The following ACSS3 variants were observed in gnomAD, a reference collection of about 807,000 sequenced individuals.
ACSS3 encodes acyl-CoA synthetase short chain family member 3, also known as acyl-CoA synthetase short-chain family member 3, mitochondrial.
ACSS3 carries 64 observed loss-of-function variants against 84.2 expected under a neutral mutation model. The ratio of observed to expected loss-of-function variants is 0.76; its 90% CI spans 0.62 to 0.94. The LOEUF (loss-of-function observed/expected upper bound fraction) is 0.94, where lower values mean the gene tolerates loss of function less well. Among genes scored for constraint, ACSS3 ranks in the 40% least tolerant of loss-of-function variants. ACSS3 has a pLI of 0.00. For synonymous variants in ACSS3, 317 were observed against 310.1 expected, an observed-to-expected ratio of 1.02 and a Z score of -0.23; for missense variants, 815 against 867.6, an observed-to-expected ratio of 0.94 and a Z score of 0.76.
intron 1 of ACSS3, among the ~76,000 whole-genome samples, chr12:81,101,966 T>C (rs1258600440): frequency 6.6e-6 from 1 of 152,084 alleles, no homozygotes; most frequent in Non-Finnish European, 1.5e-5. Context: ...ATTGCAAATA[T>C]GTCTTTCCCT....
At chr12:81,233,059 ATTAC>A (rs2033516847) in intron 12 of ACSS3, among the ~76,000 whole-genome samples, 1 of 151,728 alleles carries the variant, frequency 6.6e-6, no homozygotes, top group Admixed American at 6.6e-5. Flanking sequence ...GTATTGAGCT[ATTAC>A]TTCTCCATTA....
intron 9 of ACSS3, among the ~76,000 whole-genome samples, chr12:81,213,217 T>G (rs2032663539): frequency 6.6e-6 from 1 of 151,910 alleles, no homozygotes; most frequent in Non-Finnish European, 1.5e-5. Flanking sequence ...GCTTTGGGAG[T>G]TCATAGGATT....
intron 2 of ACSS3, among the ~76,000 whole-genome samples, chr12:81,128,354 C>A (rs142909643): frequency 8.9e-4 from 135 of 152,192 alleles, no homozygotes; most frequent in African/African-American, 3.2e-3. Context: ...CAAAATGATT[C>A]ATCTAATTTC....
Position 81,172,259 on chromosome 12 carries a change from CA to C in ACSS3, c.1099-2511del, listed in dbSNP as rs775755412. ...CCAGCCTGAGAGTGAGGCTCTGTCTCAAAAAAAAAAAAAAAAAAGGCCCTGG... is the reference window on the plus strand; with the variant it reads ...CCAGCCTGAGAGTGAGGCTCTGTCTCAAAAAAAAAAAAAAAAAGGCCCTGG... On this transcript the variant is annotated intron_variant, in intron 7 of 15. Coordinates refer to ENST00000548058, the MANE Select transcript of ACSS3 (RefSeq NM_024560.4). 2.0e-3 allele frequency among the ~76,000 whole-genome samples: 112 copies of C among 56,974 alleles called. No homozygotes were observed. The East Asian group carries it at 0.023, about 12-fold the overall frequency. 37.4% of individuals were successfully genotyped at this position (56,974 alleles called of 152,430 possible).
intron 8 of ACSS3, among the ~76,000 whole-genome samples, chr12:81,196,287 G>A (rs1208920767): frequency 6.6e-6 from 1 of 152,012 alleles, no homozygotes; most frequent in Non-Finnish European, 1.5e-5. Flanking sequence ...TGTGGTTATT[G>A]AACTCTTGAA....
At chr12:81,165,562 T>C (rs1887362703) in intron 7 of ACSS3, among the ~76,000 whole-genome samples, 1 of 151,700 alleles carries the variant, frequency 6.6e-6, no homozygotes, top group Admixed American at 6.6e-5. Context: ...AGGAGAACGG[T>C]GTGAACCTGG....
intron 13 of ACSS3, among the ~76,000 whole-genome samples, chr12:81,249,959 A>C (rs1198731763): frequency 6.6e-6 from 1 of 152,096 alleles, no homozygotes; most frequent in African/African-American, 2.4e-5. Context: ...CAAAATTGGC[A>C]ATACCTAAGA....
intron 9 of ACSS3, among the ~76,000 whole-genome samples, chr12:81,209,875 A>G (rs1186192660): frequency 1.3e-5 from 2 of 152,054 alleles, no homozygotes; most frequent in African/African-American, 4.8e-5. Flanking sequence ...GCATTTGTAA[A>G]CTCATGGCAC....
At chr12:81,169,967 C>G (rs893163205) in intron 7 of ACSS3, among the ~76,000 whole-genome samples, 2 of 152,016 alleles carry the variant, frequency 1.3e-5, no homozygotes, top group Admixed American at 6.6e-5. Flanking sequence ...AAGTAGTGCT[C>G]AGAAAGAGAC....
chr12:81,081,793 G>A (rs1880994443), intron 1 of ACSS3, among the ~76,000 whole-genome samples: 1 of 152,142 alleles, frequency 6.6e-6, no homozygotes, highest in Non-Finnish European at 1.5e-5. Flanking sequence ...AAAAGGAAAA[G>A]ACTAACTAAA....
intron 2 of ACSS3, among the ~76,000 whole-genome samples, chr12:81,110,521 T>C (rs752610346): frequency 2.0e-5 from 3 of 152,340 alleles, no homozygotes; most frequent in Non-Finnish European, 2.9e-5. Context: ...GGGAAAGTTA[T>C]TCAAGCTCTG....
chr12:81,254,983 G>T lies in ACSS3; in HGVS notation c.*61G>T. ...TTTCTTAATTGAAATTAAATTATTT[G>T]AGTTGTTTCTCAGAAATAAATATTT... On this transcript the variant is annotated 3_prime_UTR_variant, in exon 16 of 16. Transcript: ENST00000548058. 2 of 1,347,088 alleles carry T rather than the reference G, an allele frequency of 1.5e-6. No individual in the cohort carries two copies. The highest frequency in any genetic ancestry group is 2.0e-6 in the Non-Finnish European group (2 of 982,508). The allele number at this position is 1,347,088 out of a possible 1,614,324, so 83.4% of individuals were successfully genotyped here.
At chr12:81,202,140 G>A (rs1305241532) in intron 9 of ACSS3, among the ~76,000 whole-genome samples, 2 of 152,002 alleles carry the variant, frequency 1.3e-5, no homozygotes, top group African/African-American at 2.4e-5. Flanking sequence ...TTAGCCGGGT[G>A]TGGTAGTGGG....
chr12:81,163,922 G>T (rs1887278962), intron 7 of ACSS3, among the ~76,000 whole-genome samples: 1 of 152,102 alleles, frequency 6.6e-6, no homozygotes, highest in Non-Finnish European at 1.5e-5. Context: ...CATTTATAAA[G>T]TAAAATAGTT....
intron 1 of ACSS3, among the ~76,000 whole-genome samples, chr12:81,091,211 G>A (rs1385390719): frequency 6.6e-6 from 1 of 151,908 alleles, no homozygotes; most frequent in South Asian, 2.1e-4. Flanking sequence ...AAGGATCTCA[G>A]ATTAAGAGTT....
At chr12:81,241,567 T>C (rs1366216830) in intron 13 of ACSS3, among the ~76,000 whole-genome samples, 1 of 152,244 alleles carries the variant, frequency 6.6e-6, no homozygotes, top group Admixed American at 6.5e-5. Flanking sequence ...GGTTTTGATT[T>C]GCATTTCTCT....
chr12:81,077,879 G>A (rs1880714334), upstream of ACSS3: 1 of 464,466 alleles, frequency 2.2e-6, no homozygotes, highest in South Asian at 4.8e-5. Context: ...TCGTGCAGCA[G>A]CGCAACTAAC....
chr12:81,107,503 A>AATATATATATATAT (rs1307138595), intron 1 of ACSS3, among the ~76,000 whole-genome samples: 1 of 59,576 alleles, frequency 1.7e-5, no homozygotes, highest in Non-Finnish European at 3.3e-5. Context: ...TTCAGGTACA[A>AATATATATATATAT]ATATATACAT....
intron 9 of ACSS3, among the ~76,000 whole-genome samples, chr12:81,203,291 G>C (rs191392438): frequency 6.6e-6 from 1 of 152,064 alleles, no homozygotes; most frequent in Admixed American, 6.6e-5. Context: ...GTGCCCACTC[G>C]CACTGAGGAA....
Sources: allele counts gnomAD v4.1 joint callset (sites outside exome capture counted in the v4.1 genomes callset), GRCh38; gene constraint gnomAD v4.1.1; transcripts MANE v1.5; gene names NCBI Gene and HGNC (gene_info 2026-07-23, HGNC 2026-07-21).